DOCK2: variants seen among roughly 807,000 people sequenced by gnomAD.
DOCK2 encodes the protein dedicator of cytokinesis 2.
In DOCK2, 87 loss-of-function variants were observed where a neutral mutation model predicts 248.9. The observed-to-expected ratio is 0.35, with a 90% CI of 0.29 to 0.42. DOCK2 has a LOEUF of 0.42. DOCK2 is among the 10% of genes least tolerant of loss of function. DOCK2 has a pLI of 1.00. For missense variants in DOCK2, 1,747 were observed against 2,300.2 expected (o/e 0.76, Z 4.92); for synonymous variants, 805 against 821.6 (o/e 0.98, Z 0.35).
At chr5:169,840,623 A>T (rs1769898412) in intron 26 of DOCK2, 134 bp from the exon 27 acceptor site, 1 of 688,034 alleles carries the variant, frequency 1.5e-6, no homozygotes, top group Admixed American at 2.1e-5. Flanking sequence ...GATGATGATG[A>T]TGGCAGTAGT....
chr5:169,748,331 A>C (rs1162323555), intron 23 of DOCK2, among the ~76,000 whole-genome samples: 2 of 152,204 alleles, frequency 1.3e-5, no homozygotes, highest in African/African-American at 4.8e-5. Flanking sequence ...TTTGCTTCTC[A>C]TGCTATGGGT....
At chr5:169,709,977 A>T (rs1761486881) in intron 15 of DOCK2, among the ~76,000 whole-genome samples, 1 of 152,202 alleles carries the variant, frequency 6.6e-6, no homozygotes, top group Non-Finnish European at 1.5e-5. Flanking sequence ...CATATTTTAG[A>T]AATTCTTTGT....
In DOCK2 at chr5:169,776,143, T is replaced by TTATATTTATATAAATATA. The variant is rs1251530699; in HGVS notation, c.2554+14542_2554+14559dup. On this transcript the variant is annotated intron_variant, in intron 25 of 51. Transcript: ENST00000520908. The stretch of plus-strand genomic sequence containing the variant: ...TATATATGATATGATATGAATCATA[T>TTATATTTATATAAATATA]TATATTTATATAAATATATATATTT... 3.7e-3 allele frequency among the ~76,000 whole-genome samples: 456 copies of TTATATTTATATAAATATA among 124,912 alleles called. 18 individuals carry two copies. The East Asian group carries it at 0.12, about 34-fold the overall frequency. The allele number at this position is 124,912 out of a possible 152,430, so 81.9% of individuals were successfully genotyped here.
chr5:169,980,967 C>A (rs56903706), intron 27 of DOCK2, among the ~76,000 whole-genome samples: 1 of 152,088 alleles, frequency 6.6e-6, no homozygotes, highest in Non-Finnish European at 1.5e-5. Flanking sequence ...TAGTCATTTA[C>A]GGTGTGTGGG....
chr5:169,986,430 G>A (rs1778071549), intron 29 of DOCK2, among the ~76,000 whole-genome samples: 1 of 152,130 alleles, frequency 6.6e-6, no homozygotes, highest in African/African-American at 2.4e-5. Flanking sequence ...CATTTGGTGT[G>A]TCTATGTGTG....
intron 23 of DOCK2, among the ~76,000 whole-genome samples, chr5:169,753,340 T>G (rs1204423590): frequency 1.3e-5 from 2 of 151,924 alleles, no homozygotes. Flanking sequence ...TTTGTCCCGA[T>G]GTTCTCCCTG....
intron 19 of DOCK2, among the ~76,000 whole-genome samples, chr5:169,714,697 A>G (rs764854295): frequency 9.2e-5 from 14 of 152,188 alleles, no homozygotes; most frequent in Admixed American, 9.2e-4. Flanking sequence ...CTCTGGAAAT[A>G]GATGAGCCTG....
At chr5:169,832,435 A>T (rs1292609063) in intron 26 of DOCK2, among the ~76,000 whole-genome samples, 1 of 152,204 alleles carries the variant, frequency 6.6e-6, no homozygotes, top group African/African-American at 2.4e-5. Context: ...AGAAGCAGAG[A>T]TGATGGGATA....
At chr5:169,799,963 C>A (rs972078315) in intron 25 of DOCK2, among the ~76,000 whole-genome samples, 13 of 152,092 alleles carry the variant, frequency 8.5e-5, no homozygotes, top group Admixed American at 5.9e-4. Flanking sequence ...CATCACTATG[C>A]CCAGCTAATT....
chr5:170,020,722 C>A (rs76534424), intron 33 of DOCK2, among the ~76,000 whole-genome samples: 1 of 152,216 alleles, frequency 6.6e-6, no homozygotes, highest in African/African-American at 2.4e-5. Flanking sequence ...TGCTGCAACC[C>A]GTACTATCCA....
Position 170,050,263 on chromosome 5 carries a change from T to G in DOCK2, c.4079T>G (p.Val1360Gly). 1 of 1,614,046 alleles carries G rather than the reference T, an allele frequency of 6.2e-7. No individual in the cohort carries two copies. Among genetic ancestry groups the G allele is most frequent in the Non-Finnish European group, 8.5e-7 (1 of 1,179,908 alleles). Residue 1360 changes from valine to glycine, a missense_variant, in exon 41 of 52, where the codon GTG (valine) becomes GGG (glycine). This residue lies in a region of DOCK2 where 858 missense variants were observed against 1,183.5 expected (regional missense o/e 0.72). Coordinates refer to ENST00000520908, the MANE Select transcript of DOCK2 (RefSeq NM_004946.3). ...AGCATCCTTTCTCTGCAGAACAAAGTGTTCATCTACCGCGGGAAGGAATAT... is the reference window on the plus strand; with the variant it reads ...AGCATCCTTTCTCTGCAGAACAAAGGGTTCATCTACCGCGGGAAGGAATAT... ...QGFPSFLRNK[V>G]FIYRGKEYER...
intron 10 of DOCK2, among the ~76,000 whole-genome samples, chr5:169,697,313 A>T (rs947910925): frequency 6.6e-6 from 1 of 152,156 alleles, no homozygotes; most frequent in Non-Finnish European, 1.5e-5. Flanking sequence ...ATGCTGGCTT[A>T]CTAAGAAGAT....
At position 169,883,792 on chromosome 5, in the gene DOCK2, T is replaced by G; in HGVS notation, c.2799+42940T>G. On this transcript the variant is annotated intron_variant, in intron 27 of 51. Transcript: ENST00000520908. ...GGTCCCATCTTCCTTGAATCTCACC[T>G]GCTGGGATTTGCTCCTGCGGTGGTG... 6.4e-7 allele frequency: 1 copy of G among 1,551,630 alleles called. No individual in the cohort carries two copies. Among genetic ancestry groups the G allele is most frequent in the South Asian group, 1.2e-5 (1 of 84,046 alleles).
chr5:169,930,746 C>T (rs1200595940), intron 27 of DOCK2, among the ~76,000 whole-genome samples: 2 of 152,156 alleles, frequency 1.3e-5, no homozygotes, highest in East Asian at 3.8e-4. Flanking sequence ...CTTTGAGAGT[C>T]GGGTGGAAGG....
intron 22 of DOCK2, among the ~76,000 whole-genome samples, chr5:169,721,418 G>A (rs1762197808): frequency 1.3e-5 from 2 of 152,176 alleles, no homozygotes; most frequent in African/African-American, 4.8e-5. Flanking sequence ...AGAATCTTTA[G>A]CAATGATCTG....
intron 41 of DOCK2, among the ~76,000 whole-genome samples, chr5:170,053,112 C>CAT (rs1201076568): frequency 6.6e-6 from 1 of 152,224 alleles, no homozygotes; most frequent in African/African-American, 2.4e-5. Flanking sequence ...CAGTTCCGCG[C>CAT]ATACATTCAG....
chr5:169,800,118 C>T (rs900304077), intron 25 of DOCK2, among the ~76,000 whole-genome samples: 3 of 152,184 alleles, frequency 2.0e-5, no homozygotes, highest in Non-Finnish European at 2.9e-5. Flanking sequence ...ACAATATCTT[C>T]AGTCCAAATT....
At chr5:169,911,134 T>C (rs892019809) in intron 27 of DOCK2, among the ~76,000 whole-genome samples, 1 of 152,248 alleles carries the variant, frequency 6.6e-6, no homozygotes, top group Non-Finnish European at 1.5e-5. Flanking sequence ...TTAATGTTTT[T>C]ATTTTATTTT....
At chr5:170,077,339 A>T (rs1485743320) in intron 47 of DOCK2, among the ~76,000 whole-genome samples, 1 of 152,194 alleles carries the variant, frequency 6.6e-6, no homozygotes. Flanking sequence ...GGTTGAGCTG[A>T]TACCACATGG....
Sources: gnomAD v4.1 joint callset for allele counts (sites outside exome capture counted in the v4.1 genomes callset) on GRCh38, gnomAD v4.1.1 for gene constraint, gnomAD v4.1.1 regional missense constraint, MANE v1.5 for transcripts, NCBI Gene and HGNC (gene_info 2026-07-23, HGNC 2026-07-21) for gene names.